The following VWA8 variants were observed in gnomAD, a reference collection of about 807,000 sequenced individuals.
VWA8 encodes von Willebrand factor A domain containing 8, also known as von Willebrand factor A domain-containing protein 8.
VWA8 carries 221 observed loss-of-function variants against 241.5 expected under a neutral mutation model. The ratio of observed to expected loss-of-function variants is 0.91; its 90% CI spans 0.82 to 1.02. The LOEUF (loss-of-function observed/expected upper bound fraction) is 1.02, where lower values mean the gene tolerates loss of function less well. Ranked by LOEUF, VWA8 falls within the 50% of genes least tolerant of loss-of-function variation. The pLI is 0.00. For synonymous variants in VWA8, 852 were observed against 827.1 expected, an observed-to-expected ratio of 1.03 and a Z score of -0.52; for missense variants, 2,322 against 2,328.7, an observed-to-expected ratio of 1.00 and a Z score of 0.06.
chr13:41,861,365 T>C lies in VWA8; in HGVS notation c.1425+4371A>G, dbSNP rs1015147173. On this transcript the variant is annotated intron_variant, in intron 12 of 44. Transcript: ENST00000379310. ...GCCAACATCATACTGAACAGGAAAA[T>C]GCTAGAAGCATTCTTTTTAACAACT... Among the ~76,000 whole-genome samples the C allele has an allele frequency of 2.6e-5, 4 of 152,042 alleles. No homozygotes were observed. The South Asian group carries it at 8.3e-4, about 31-fold the overall frequency.
rs1593635831 is a variant in VWA8 at position 41,590,877 on chromosome 13, G to A, written c.4987-112C>T. ...ACCTGGGATCTTTTCAGTAAGTGAT[G>A]GTTCTGCATGAACACAGTCATATAA... On this transcript the variant is annotated intron_variant, in intron 40 of 44. Transcript: ENST00000379310. The A allele has an allele frequency of 5.2e-6, 7 of 1,344,124 alleles. No homozygotes were observed. In the East Asian group the frequency reaches 1.6e-4, roughly 31 times the overall value. 83.3% of individuals were successfully genotyped at this position (1,344,124 alleles called of 1,614,324 possible).
intron 12 of VWA8, among the ~76,000 whole-genome samples, chr13:41,858,092 T>A (rs183289675): frequency 6.6e-6 from 1 of 152,252 alleles, no homozygotes; most frequent in East Asian, 1.9e-4. Context: ...CCACACCACC[T>A]CTTTCCTGGC....
At chr13:41,619,743 T>G (rs1369161843) in intron 37 of VWA8, among the ~76,000 whole-genome samples, 2 of 152,196 alleles carry the variant, frequency 1.3e-5, no homozygotes, top group African/African-American at 4.8e-5. Flanking sequence ...GATTTTTGTC[T>G]TTGGTTCTGT....
At chr13:41,950,210 A>C (rs1269850263) in intron 1 of VWA8, among the ~76,000 whole-genome samples, 197 bp from the exon 2 acceptor site, 1 of 151,344 alleles carries the variant, frequency 6.6e-6, no homozygotes, top group African/African-American at 2.4e-5. Context: ...GCATCAGTGC[A>C]ATTCACATTT....
At chr13:41,946,388 G>T (rs937960883) in intron 2 of VWA8, among the ~76,000 whole-genome samples, 6 of 151,984 alleles carry the variant, frequency 3.9e-5, no homozygotes, top group Non-Finnish European at 7.4e-5. Context: ...TAATGACAAC[G>T]TAAGCCTATT....
chr13:41,736,763 C>T (rs935524182), intron 21 of VWA8, among the ~76,000 whole-genome samples: 16 of 151,042 alleles, frequency 1.1e-4, no homozygotes, highest in Admixed American at 8.6e-4. Flanking sequence ...CGCAATAATA[C>T]GAGCCAAACA....
intron 10 of VWA8, among the ~76,000 whole-genome samples, chr13:41,866,393 G>A (rs536294288): frequency 1.6e-5 from 2 of 126,276 alleles, no homozygotes; most frequent in East Asian, 2.4e-4. Context: ...GTGTGTGCGC[G>A]TGTGTGTGTG....
At position 41,830,621 on chromosome 13, in the gene VWA8, T is replaced by G; in HGVS notation, c.1608A>C (p.Leu536=). 6.2e-7 allele frequency: 1 copy of G among 1,613,596 alleles called. No homozygotes were observed. Among genetic ancestry groups the G allele is most frequent in the Non-Finnish European group, 8.5e-7 (1 of 1,179,700 alleles). Residue 536 remains leucine, a synonymous_variant, in exon 14 of 45, where the codon CTA becomes CTC. Transcript: ENST00000379310. ...GCAGCCTAGAACCATCATAGAGGCT[T>G]AGCTCTCGATCATGGATTAACCTAA... ...VLQRLIHDRE[L]SLYDGSRLLR...
intron 10 of VWA8, among the ~76,000 whole-genome samples, chr13:41,866,706 A>G (rs1485092576): frequency 6.6e-6 from 1 of 152,082 alleles, no homozygotes; most frequent in Non-Finnish European, 1.5e-5. Context: ...ACTACTGGAG[A>G]ATAAATTTTT....
intron 35 of VWA8, among the ~76,000 whole-genome samples, chr13:41,677,527 T>C (rs1307696291): frequency 5.9e-5 from 9 of 152,178 alleles, no homozygotes; most frequent in African/African-American, 2.2e-4. Context: ...TGGAGAGTGA[T>C]GGAGATGGCT....
intron 19 of VWA8, among the ~76,000 whole-genome samples, chr13:41,780,510 T>C (rs958066141): frequency 3.9e-5 from 6 of 152,152 alleles, no homozygotes; most frequent in Non-Finnish European, 5.9e-5. Context: ...TCCTCTCTTA[T>C]CAACATCCAA....
At chr13:41,868,248 A>G in intron 10 of VWA8, 98 bp downstream of exon 10, 1 of 1,366,260 alleles carries the variant, frequency 7.3e-7, no homozygotes. Flanking sequence ...AGTACTATCA[A>G]GAGAGAAGAC....
At chr13:41,734,487 T>C (rs189027642) in intron 21 of VWA8, among the ~76,000 whole-genome samples, 92 of 152,342 alleles carry the variant, frequency 6.0e-4, no homozygotes, top group African/African-American at 2.1e-3. Context: ...TTGGAACTTA[T>C]GGTTGCAGTA....
chr13:41,727,884 T>C (rs536716114), intron 23 of VWA8, among the ~76,000 whole-genome samples: 100 of 152,282 alleles, frequency 6.6e-4, no homozygotes, highest in Non-Finnish European at 1.4e-3. Flanking sequence ...GATTGTACCA[T>C]AGTTCTTAAA....
chr13:41,655,614 G>C (rs1173202291), intron 37 of VWA8, among the ~76,000 whole-genome samples: 1 of 152,158 alleles, frequency 6.6e-6, no homozygotes, highest in African/African-American at 2.4e-5. Context: ...TAAGACTCTG[G>C]TGATGGAATG....
In VWA8 at chr13:41,590,727, A is replaced by G. The variant is rs753708659; in HGVS notation, c.5025T>C (p.Ala1675=). The G allele has an allele frequency of 9.3e-6, 15 of 1,613,972 alleles. No homozygotes were observed. The Admixed American group carries it at 2.3e-4, about 25-fold the overall frequency. ...TCTTGGCATCATCTAATTCTCCAGT[A>G]GCTTGATGTCTTAGCCATTGTCTTT... ...GKERQWLRHQ[A]TGELDDAKII... The change falls in exon 41 of 45, where the codon GCT becomes GCC. Residue 1675 remains alanine (A), a synonymous_variant. Coordinates refer to ENST00000379310, the MANE Select transcript of VWA8 (RefSeq NM_015058.2).
chr13:41,685,711 T>C (rs922378862), intron 34 of VWA8, among the ~76,000 whole-genome samples: 10 of 152,050 alleles, frequency 6.6e-5, no homozygotes, highest in African/African-American at 2.2e-4. Flanking sequence ...AGAAGAAATA[T>C]AGGAATTAGT....
intron 2 of VWA8, among the ~76,000 whole-genome samples, chr13:41,944,149 A>G (rs911039213): frequency 5.3e-5 from 8 of 150,996 alleles, no homozygotes; most frequent in Admixed American, 2.0e-4. Flanking sequence ...TAAATAAACC[A>G]CAGTGAGAGG....
chr13:41,914,136 T>C (rs1324156905), intron 2 of VWA8, among the ~76,000 whole-genome samples: 3 of 152,156 alleles, frequency 2.0e-5, no homozygotes, highest in Non-Finnish European at 2.9e-5. Flanking sequence ...GAGGTTGCAG[T>C]GAGCTAAGAT....
Sources: gnomAD v4.1 joint callset for allele counts (sites outside exome capture counted in the v4.1 genomes callset) on GRCh38, gnomAD v4.1.1 for gene constraint, MANE v1.5 for transcripts, NCBI Gene and HGNC (gene_info 2026-07-23, HGNC 2026-07-21) for gene names.